The following SERPINI1 variants were observed in gnomAD, a reference collection of about 807,000 sequenced individuals.
The protein encoded by SERPINI1 is neuroserpin.
SERPINI1 carries 19 observed loss-of-function variants against 41.1 expected under a neutral mutation model. That is an observed-to-expected ratio of 0.46 (90% CI 0.32 to 0.68). The LOEUF is 0.68. SERPINI1 is among the 30% of genes least tolerant of loss of function. SERPINI1 has a pLI of 0.03. For synonymous variants in SERPINI1, 138 were observed against 156.6 expected (o/e 0.88, Z 0.89); for missense variants, 460 against 479.2 (o/e 0.96, Z 0.37).
rs368910422 is a variant in SERPINI1, at chr3:167,825,351, C to G, written c.*28C>G. 6 of 1,406,168 alleles carry G rather than the reference C, an allele frequency of 4.3e-6. No individual in the cohort carries two copies. The allele number at this position is 1,406,168 out of a possible 1,614,324, so 87.1% of individuals were successfully genotyped here. On this transcript the variant is annotated 3_prime_UTR_variant, in exon 9 of 9. Coordinates refer to ENST00000446050, the MANE Select transcript of SERPINI1 (RefSeq NM_001122752.2). ...TACTTTATTTGAATAACAAGGAAAA[C>G]AGTAACTAAGCACATTATGTTTGCA...
chr3:167,793,596 A>ATATATATATATATATTT, intron 4 of SERPINI1, among the ~76,000 whole-genome samples: 2 of 140,608 alleles, frequency 1.4e-5, no homozygotes, highest in African/African-American at 5.5e-5. Context: ...ATATATATAT[A>ATATATATATATATATTT]TTTTTAATTA....
chr3:167,812,117 G>A (rs1363388838), intron 6 of SERPINI1, among the ~76,000 whole-genome samples: 10 of 152,186 alleles, frequency 6.6e-5, no homozygotes, highest in Admixed American at 6.5e-4. Flanking sequence ...ACTCTTATTT[G>A]AGACTCTCAT....
chr3:167,802,907 G>A (rs1363384687), intron 5 of SERPINI1, among the ~76,000 whole-genome samples: 5 of 150,268 alleles, frequency 3.3e-5, no homozygotes, highest in African/African-American at 9.9e-5. Flanking sequence ...ACTGGATTAC[G>A]AAAATGTGGC....
intron 6 of SERPINI1, among the ~76,000 whole-genome samples, chr3:167,822,635 CTTTTATA>C (rs1712375736): frequency 6.6e-6 from 1 of 151,894 alleles, no homozygotes; most frequent in South Asian, 2.1e-4. Context: ...TCATTTCATA[CTTTTATA>C]TTTAAAATTA....
chr3:167,759,297 A>T lies in SERPINI1; in HGVS notation c.-19+23474A>T, dbSNP rs139844746. 5.9e-3 allele frequency among the ~76,000 whole-genome samples: 889 copies of T among 151,802 alleles called. 6 individuals are homozygous for T. The highest frequency in any genetic ancestry group is 9.9e-3 in the Non-Finnish European group (674 of 67,910). ...TACCCAAAGGAAAATAAATCATTTT[A>T]TCAAAAAGACACCTTACTCATATGT... On this transcript the variant is annotated intron_variant, in intron 1 of 8. Transcript: ENST00000446050.
At chr3:167,787,035 CTTTTTA>C (rs752959976) in intron 1 of SERPINI1, among the ~76,000 whole-genome samples, 1 of 152,070 alleles carries the variant, frequency 6.6e-6, no homozygotes, top group Non-Finnish European at 1.5e-5. Flanking sequence ...TAATTTTCTA[CTTTTTA>C]TTTTTATATT....
At chr3:167,811,209 T>A (rs920959337) in intron 6 of SERPINI1, among the ~76,000 whole-genome samples, 1 of 151,028 alleles carries the variant, frequency 6.6e-6, no homozygotes, top group South Asian at 2.1e-4. Flanking sequence ...CTGAATTCTT[T>A]CCAGAAGATT....
At position 167,757,775 on chromosome 3, in the gene SERPINI1, T is replaced by A. The variant is rs183669805; in HGVS notation, c.-19+21952T>A. On this transcript the variant is annotated intron_variant, in intron 1 of 8. Transcript: ENST00000446050. ...CTCTAATACAAATACAAAAATTAGC[T>A]GAGCTTGGTGGCCTGCGCCTGTAAT... Among the ~76,000 whole-genome samples the A allele has an allele frequency of 3.2e-4, 48 of 152,084 alleles. 1 individual carries two copies. The East Asian group carries it at 7.2e-3, about 23-fold the overall frequency.
chr3:167,785,448 C>T (rs1172251190), intron 1 of SERPINI1, among the ~76,000 whole-genome samples: 1 of 152,134 alleles, frequency 6.6e-6, no homozygotes, highest in Non-Finnish European at 1.5e-5. Context: ...CCCACTTATC[C>T]AAGGACTGGA....
chr3:167,794,438 T>C (rs1457948498), intron 4 of SERPINI1, among the ~76,000 whole-genome samples, 182 bp from the exon 5 acceptor site: 2 of 152,150 alleles, frequency 1.3e-5, no homozygotes, highest in African/African-American at 4.8e-5. Flanking sequence ...TTTATTTCAA[T>C]ACTTTTGGGG....
chr3:167,814,605 C>A (rs1040137556), intron 6 of SERPINI1, among the ~76,000 whole-genome samples: 5 of 152,358 alleles, frequency 3.3e-5, no homozygotes, highest in Non-Finnish European at 7.3e-5. Flanking sequence ...GTGGCCTACA[C>A]TTGCATGATG....
At chr3:167,764,159 A>G (rs1036285439) in intron 1 of SERPINI1, among the ~76,000 whole-genome samples, 1 of 152,198 alleles carries the variant, frequency 6.6e-6, no homozygotes, top group Non-Finnish European at 1.5e-5. Context: ...AAAACTGACC[A>G]CAGAGAGCCT....
At chr3:167,780,217 C>A (rs978069144) in intron 1 of SERPINI1, among the ~76,000 whole-genome samples, 3 of 152,116 alleles carry the variant, frequency 2.0e-5, no homozygotes, top group African/African-American at 7.2e-5. Context: ...TTTCATAGTG[C>A]ATTTCCTGAT....
chr3:167,813,264 C>A (rs1205567541), intron 6 of SERPINI1, among the ~76,000 whole-genome samples: 1 of 152,218 alleles, frequency 6.6e-6, no homozygotes, highest in Non-Finnish European at 1.5e-5. Flanking sequence ...TCTTCCTGCC[C>A]CCAGCTGTTT....
At chr3:167,795,985 C>G (rs1482699369) in intron 5 of SERPINI1, among the ~76,000 whole-genome samples, 1 of 151,964 alleles carries the variant, frequency 6.6e-6, no homozygotes, top group Admixed American at 6.6e-5. Flanking sequence ...AAAACACATT[C>G]CATATTAAGA....
chr3:167,766,268 T>C (rs1309806556), intron 1 of SERPINI1, among the ~76,000 whole-genome samples: 1 of 148,428 alleles, frequency 6.7e-6, no homozygotes, highest in African/African-American at 2.5e-5. Context: ...CAGTCCCACA[T>C]GACTGGAGAG....
At chr3:167,766,893 C>G (rs561903538) in intron 1 of SERPINI1, among the ~76,000 whole-genome samples, 1 of 152,298 alleles carries the variant, frequency 6.6e-6, no homozygotes, top group African/African-American at 2.4e-5. Flanking sequence ...AGAAAGGAAG[C>G]CATCTCCGTA....
rs377165263 is a variant in SERPINI1, at chr3:167,752,746, C to A, written c.-19+16923C>A. On this transcript the variant is annotated intron_variant, in intron 1 of 8. Transcript: ENST00000446050. ...CCCCTACCTCATAAGCCAGCCTCTT[C>A]TTTTCCTTTGTTCATTGTATTATTT... 4.6e-5 allele frequency among the ~76,000 whole-genome samples: 7 copies of A among 152,196 alleles called. No homozygotes were observed. In the East Asian group the frequency reaches 1.4e-3, roughly 29 times the overall value.
chr3:167,742,536 TC>T (rs1725713060), intron 1 of SERPINI1, among the ~76,000 whole-genome samples: 2 of 152,150 alleles, frequency 1.3e-5, no homozygotes, highest in Admixed American at 1.3e-4. Flanking sequence ...AAACAGTTGT[TC>T]CTGTTGAGTC....
Sources: allele counts gnomAD v4.1 joint callset (sites outside exome capture counted in the v4.1 genomes callset), GRCh38; gene constraint gnomAD v4.1.1; transcripts MANE v1.5; gene names NCBI Gene and HGNC (gene_info 2026-07-23, HGNC 2026-07-21).